The following AHDC1 variants were observed in gnomAD, a reference collection of about 807,000 sequenced individuals.
AHDC1 encodes the protein AT-hook DNA binding motif containing 1, also known as transcription factor Gibbin.
In AHDC1, 7 loss-of-function variants were observed where a neutral mutation model predicts 87.9. That is an observed-to-expected ratio of 0.08 (90% CI 0.05 to 0.15). AHDC1 has a LOEUF of 0.15. AHDC1 is among the 10% of genes least tolerant of loss of function. The pLI, the probability that AHDC1 is intolerant of heterozygous loss-of-function variation, is 1.00. For missense variants in AHDC1, 1,841 were observed against 2,253.2 expected, an observed-to-expected ratio of 0.82 and a Z score of 3.70; for synonymous variants, 1,051 against 1,006.8, an observed-to-expected ratio of 1.04 and a Z score of -0.83.
rs1270878016 is a variant in AHDC1 at position 27,562,952 on chromosome 1, C to T, written c.-628-4069G>A. Among the ~76,000 whole-genome samples the T allele has an allele frequency of 1.3e-5, 2 of 152,146 alleles. No homozygotes were observed. Among genetic ancestry groups the T allele is most frequent in the East Asian group, 3.8e-4 (2 of 5,196 alleles). On this transcript the variant is annotated intron_variant, in intron 3 of 8. Transcript: ENST00000673934. The surrounding 1 kb of genome is among the most constrained non-coding windows in gnomAD (Gnocchi z 4.4). ...CCCTCCTAACGGGATGAACTAAGCACATAACCTGTCGCTTCCTCCAAACAT... is the reference window on the plus strand; with the variant it reads ...CCCTCCTAACGGGATGAACTAAGCATATAACCTGTCGCTTCCTCCAAACAT...
chr1:27,540,779 A>G (rs1191581990), intron 8 of AHDC1, among the ~76,000 whole-genome samples: 3 of 151,818 alleles, frequency 2.0e-5, no homozygotes, highest in African/African-American at 7.3e-5. Context: ...TGTGAGGAAG[A>G]TCGGGGCTGA....
At chr1:27,564,341 A>C (rs2020228779) in intron 3 of AHDC1, among the ~76,000 whole-genome samples, 1 of 152,082 alleles carries the variant, frequency 6.6e-6, no homozygotes, top group South Asian at 2.1e-4. Context: ...AAGAAGCTGA[A>C]GCTGGAGACC....
At chr1:27,577,260 C>T (rs1472006290) in intron 3 of AHDC1, among the ~76,000 whole-genome samples, 3 of 152,206 alleles carry the variant, frequency 2.0e-5, no homozygotes, top group African/African-American at 4.8e-5. Context: ...GAATGACAGA[C>T]GTGGGCATCC....
At chr1:27,542,431 G>A (rs1406160122) in intron 8 of AHDC1, among the ~76,000 whole-genome samples, 1 of 152,236 alleles carries the variant, frequency 6.6e-6, no homozygotes, top group Non-Finnish European at 1.5e-5. Context: ...GGTCCTGCAT[G>A]AAGGTACAAG....
chr1:27,569,164 C>A (rs923552062), intron 3 of AHDC1, among the ~76,000 whole-genome samples: 1 of 151,818 alleles, frequency 6.6e-6, no homozygotes, highest in Admixed American at 6.6e-5. Context: ...TGGAAACTGT[C>A]TTCTCCCTCA....
chr1:27,548,625 GAGA>G lies in AHDC1; in HGVS notation c.3488_3490del (p.Phe1163del). 1 of 1,613,530 alleles carries G rather than the reference GAGA, an allele frequency of 6.2e-7. No individual in the cohort carries two copies. Among genetic ancestry groups the G allele is most frequent in the Non-Finnish European group, 8.5e-7 (1 of 1,180,046 alleles). On this transcript the variant is annotated inframe_deletion, in exon 8 of 9. Coordinates refer to ENST00000673934, the MANE Select transcript of AHDC1 (RefSeq NM_001371928.1). ...CTGGGTGCTGTCGGAGGATGACTCA[GAGA>G]AGGTCTCCGACACAGCCGTCTGCTG...
intron 3 of AHDC1, among the ~76,000 whole-genome samples, chr1:27,567,596 T>G (rs2020380337): frequency 6.6e-6 from 1 of 152,150 alleles, no homozygotes; most frequent in South Asian, 2.1e-4. Flanking sequence ...GCATAATCCC[T>G]GCCTCCCTTG....
At chr1:27,603,231 C>A (rs1401726563) in intron 3 of AHDC1, among the ~76,000 whole-genome samples, 166 bp downstream of exon 3, 1 of 151,022 alleles carries the variant, frequency 6.6e-6, no homozygotes, top group Non-Finnish European at 1.5e-5. Flanking sequence ...CCCAGCCGAG[C>A]CGCGGGCCCC....
At position 27,548,974 on chromosome 1, in the gene AHDC1, C is replaced by T. The variant is rs750379065; in HGVS notation, c.3142G>A (p.Gly1048Ser). The change falls in exon 8 of 9, where the codon GGT (glycine) becomes AGT (serine). Residue 1048 changes from glycine (G) to serine (S), a missense_variant. Gly to Ser is a moderately conservative substitution (Grantham distance 56, BLOSUM62 0). Around this residue, in one of 13 missense-constraint regions of AHDC1, gnomAD observed 378 missense variants for 399.0 expected, o/e 0.95. Transcript: ENST00000673934. ...FSSSEGAPFS[G>S]SAPTPLRCDS... ...CAGCGCAGGGGCGTGGGGGCTGAAC[C>T]AGAGAAGGGGGCCCCCTCAGAGCTG... 6.4e-7 allele frequency: 1 copy of T among 1,565,190 alleles called. No individual in the cohort carries two copies. Among genetic ancestry groups the T allele is most frequent in the Admixed American group, 1.9e-5 (1 of 52,724 alleles).
Position 27,550,245 on chromosome 1 carries a change from C to T in AHDC1, c.1871G>A (p.Arg624His), listed in dbSNP as rs769916982. 5.0e-6 allele frequency: 8 copies of T among 1,613,716 alleles called. No individual in the cohort carries two copies. The highest frequency in any genetic ancestry group is 1.7e-5 in the Admixed American group (1 of 60,012). Reference protein sequence around the residue: ...DVLAKLAFLNRQSQCAGRCSP... With the variant: ...DVLAKLAFLNHQSQCAGRCSP... Reference sequence around the variant, plus strand: ...GCACCGTCCAGCGCACTGGCTCTGGCGGTTCAGGAAGGCCAGCTTGGCCAG... The same window carrying T: ...GCACCGTCCAGCGCACTGGCTCTGGTGGTTCAGGAAGGCCAGCTTGGCCAG... The change falls in exon 8 of 9, where the codon CGC becomes CAC. Residue 624 changes from arginine (R) to histidine (H), a missense_variant. Arg to His is a conservative substitution (Grantham distance 29, BLOSUM62 0). Coordinates refer to ENST00000673934, the MANE Select transcript of AHDC1 (RefSeq NM_001371928.1).
intron 8 of AHDC1, among the ~76,000 whole-genome samples, chr1:27,536,053 T>C (rs924754020): frequency 3.9e-5 from 6 of 152,004 alleles, no homozygotes; most frequent in Admixed American, 2.6e-4. Flanking sequence ...AAGGGCGAGG[T>C]GAGGATGCTG....
rs564927836 is a variant in AHDC1, at chr1:27,601,842, G to A, written c.-629+1555C>T. Among the ~76,000 whole-genome samples, 322 of 152,266 alleles carry A rather than the reference G, an allele frequency of 2.1e-3. 1 individual carries two copies. Among genetic ancestry groups the A allele is most frequent in the Non-Finnish European group, 3.8e-3 (258 of 68,008 alleles). ...CCCTGGCAGGACTCTGCCCAGGCCC[G>A]GGCACATGCCCCCGCCCAGCCGGCG... On this transcript the variant is annotated intron_variant, in intron 3 of 8. Coordinates refer to ENST00000673934, the MANE Select transcript of AHDC1 (RefSeq NM_001371928.1).
At position 27,565,673 on chromosome 1, in the gene AHDC1, GATAGTATCCCT is replaced by G. The variant is rs1446869898; in HGVS notation, c.-628-6801_-628-6791del. Among the ~76,000 whole-genome samples, 5 of 152,306 alleles carry G rather than the reference GATAGTATCCCT, an allele frequency of 3.3e-5. No homozygotes were observed. The East Asian group carries it at 5.8e-4, about 18-fold the overall frequency. On this transcript the variant is annotated intron_variant, in intron 3 of 8. Coordinates refer to ENST00000673934, the MANE Select transcript of AHDC1 (RefSeq NM_001371928.1). The surrounding 1 kb of genome is among the most constrained non-coding windows in gnomAD (Gnocchi z 4.6). ...TTAAAGAAGTCAGACATGAAGCAAG[GATAGTATCCCT>G]ATACCATCTGGGGAAACTGAGGCAC...
At chr1:27,596,300 C>T (rs952651422) in intron 3 of AHDC1, among the ~76,000 whole-genome samples, 3 of 152,010 alleles carry the variant, frequency 2.0e-5, no homozygotes, top group African/African-American at 7.3e-5. Flanking sequence ...TTCAGATGGT[C>T]GAGGCAGGAG....
In AHDC1 at chr1:27,562,129, A is replaced by T. The variant is rs1228092595; in HGVS notation, c.-628-3246T>A. On this transcript the variant is annotated intron_variant, in intron 3 of 8. Transcript: ENST00000673934. The surrounding 1 kb of genome is among the most constrained non-coding windows in gnomAD (Gnocchi z 4.4). ...GCAGAGGCAGGGTGGGCCGGGGAGA[A>T]GGGCCGAGGGGAGGCCTGTGTGGGC... 2.0e-5 allele frequency among the ~76,000 whole-genome samples: 3 copies of T among 151,740 alleles called. No individual in the cohort carries two copies. Among genetic ancestry groups the T allele is most frequent in the African/African-American group, 7.3e-5 (3 of 41,294 alleles).
At chr1:27,554,793 G>T (rs1195683898) in intron 5 of AHDC1, among the ~76,000 whole-genome samples, 1 of 152,166 alleles carries the variant, frequency 6.6e-6, no homozygotes, top group Non-Finnish European at 1.5e-5. Flanking sequence ...GAGCTGACTC[G>T]GGGACAGGAT....
chr1:27,545,498 C>G (rs1557652815), intron 8 of AHDC1, among the ~76,000 whole-genome samples: 1 of 152,056 alleles, frequency 6.6e-6, no homozygotes, highest in Non-Finnish European at 1.5e-5. Context: ...ACCCAGCCCC[C>G]ACACCCGTCC....
At chr1:27,538,552 T>A (rs950353836) in intron 8 of AHDC1, among the ~76,000 whole-genome samples, 11 of 151,378 alleles carry the variant, frequency 7.3e-5, no homozygotes, top group Non-Finnish European at 1.3e-4. Context: ...TCTCACTCTA[T>A]CACCCAGGCT....
intron 3 of AHDC1, among the ~76,000 whole-genome samples, chr1:27,574,274 A>G (rs569002235): frequency 6.6e-6 from 1 of 152,342 alleles, no homozygotes; most frequent in South Asian, 2.1e-4. Flanking sequence ...GACCTTGGGA[A>G]GTGAAATCTC....
Sources: gnomAD v4.1 joint callset for allele counts (sites outside exome capture counted in the v4.1 genomes callset) on GRCh38, gnomAD v4.1.1 for gene constraint, gnomAD v4.1.1 regional missense constraint, Gnocchi (gnomAD v3.1) non-coding constraint, MANE v1.5 for transcripts, NCBI Gene and HGNC (gene_info 2026-07-23, HGNC 2026-07-21) for gene names.